Variants in KIRREL3 observed in about 807,000 individuals in gnomAD.
KIRREL3 encodes the protein kirre like nephrin family adhesion molecule 3.
A neutral mutation model predicts 89.7 loss-of-function variants in KIRREL3; 36 were observed. That is an observed-to-expected ratio of 0.40 (90% CI 0.31 to 0.53). KIRREL3 has a LOEUF of 0.53. Among genes scored for constraint, KIRREL3 ranks in the 20% least tolerant of loss-of-function variants. KIRREL3 has a pLI of 0.49. For missense variants in KIRREL3, 864 were observed against 1,056.6 expected (o/e 0.82, Z 2.53); for synonymous variants, 445 against 441.4 (o/e 1.01, Z -0.10).
rs933316711 is a variant in KIRREL3 at position 126,985,888 on chromosome 11, G to A, written c.55+14567C>T. Among the ~76,000 whole-genome samples the A allele has an allele frequency of 6.6e-6, 1 of 152,206 alleles. No homozygotes were observed. Among genetic ancestry groups the A allele is most frequent in the African/African-American group, 2.4e-5 (1 of 41,458 alleles). On this transcript the variant is annotated intron_variant, in intron 1 of 16. Transcript: ENST00000525144. The surrounding 1 kb of genome is among the most constrained non-coding windows in gnomAD (Gnocchi z 5.3). ...CATGTGCCTTCATGACCCCCCTACT[G>A]GATGGGAGAGAGTTAAAGCTGTTGT...
chr11:126,507,845 C>T (rs1040161434), intron 4 of KIRREL3, among the ~76,000 whole-genome samples: 2 of 152,232 alleles, frequency 1.3e-5, no homozygotes, highest in African/African-American at 4.8e-5. Context: ...GGGACCCTGG[C>T]TAGGGCTCAG....
intron 4 of KIRREL3, among the ~76,000 whole-genome samples, chr11:126,481,563 A>C (rs1957220200): frequency 6.6e-6 from 1 of 152,142 alleles, no homozygotes. Flanking sequence ...GAATGGCCCC[A>C]CTGTTTGGGG....
At chr11:126,947,483 G>A (rs145222141) in intron 1 of KIRREL3, among the ~76,000 whole-genome samples, 3 of 152,288 alleles carry the variant, frequency 2.0e-5, no homozygotes, top group East Asian at 1.9e-4. Flanking sequence ...CTGTCTTGGC[G>A]GATTTAGAAA....
At chr11:126,770,486 T>C (rs1436763858) in intron 1 of KIRREL3, among the ~76,000 whole-genome samples, 2 of 152,212 alleles carry the variant, frequency 1.3e-5, no homozygotes, top group African/African-American at 2.4e-5. Context: ...TAGATAATAA[T>C]TGTCTGCAAA....
In KIRREL3 at chr11:126,892,796, C is replaced by T. The variant is rs1044363049; in HGVS notation, c.55+107659G>A. ...GAAGGGTCTGGCTTCATTGACATTT[C>T]CACGGTAGTGCATACAGCCCTCGAG... On this transcript the variant is annotated intron_variant, in intron 1 of 16. Transcript: ENST00000525144. This position sits in a 1 kb window ranked among gnomAD's most constrained non-coding sequence, Gnocchi z 5.4. Among the ~76,000 whole-genome samples the T allele has an allele frequency of 3.3e-5, 5 of 152,172 alleles. No homozygotes were observed. The highest frequency in any genetic ancestry group is 5.9e-5 in the Non-Finnish European group (4 of 68,034).
Position 126,569,200 on chromosome 11 carries a change from C to A in KIRREL3, c.56-6288G>T, listed in dbSNP as rs1304729786. The stretch of plus-strand genomic sequence containing the variant: ...CAGAGTAGGGTGATGACAAAGGAAG[C>A]CTATTAAGTCACAGGTGATAATGGT... On this transcript the variant is annotated intron_variant, in intron 1 of 16. Coordinates refer to ENST00000525144, the MANE Select transcript of KIRREL3 (RefSeq NM_032531.4). This position sits in a 1 kb window ranked among gnomAD's most constrained non-coding sequence, Gnocchi z 6.5. Among the ~76,000 whole-genome samples, 1 of 152,094 alleles carries A rather than the reference C, an allele frequency of 6.6e-6. No individual in the cohort carries two copies. Among genetic ancestry groups the A allele is most frequent in the African/African-American group, 2.4e-5 (1 of 41,376 alleles).
intron 1 of KIRREL3, among the ~76,000 whole-genome samples, chr11:126,799,379 C>T (rs1400526894): frequency 1.2e-4 from 1 of 8,334 alleles, no homozygotes; most frequent in African/African-American, 5.7e-4. Context: ...TCTGTGTGTG[C>T]ATGCGTGTAT....
At chr11:126,449,212 G>A (rs935785174) in intron 7 of KIRREL3, 55 bp from the exon 8 acceptor site, 147 of 1,596,952 alleles carry the variant, frequency 9.2e-5, no homozygotes, top group Middle Eastern at 1.9e-4. Flanking sequence ...CCAACCCTCC[G>A]GGAGCTGGAC....
intron 2 of KIRREL3, among the ~76,000 whole-genome samples, chr11:126,536,397 T>C (rs1053512919): frequency 3.9e-5 from 6 of 152,022 alleles, no homozygotes; most frequent in African/African-American, 1.2e-4. Flanking sequence ...CTAAATCTTC[T>C]AGGGATGCAT....
intron 1 of KIRREL3, among the ~76,000 whole-genome samples, chr11:126,660,562 GC>G (rs1259577035): frequency 6.6e-6 from 1 of 152,090 alleles, no homozygotes; most frequent in Non-Finnish European, 1.5e-5. Context: ...GGAACCCATT[GC>G]CTGTATAATA....
At position 126,571,891 on chromosome 11, in the gene KIRREL3, G is replaced by A. The variant is rs1940957563; in HGVS notation, c.56-8979C>T. On this transcript the variant is annotated intron_variant, in intron 1 of 16. Transcript: ENST00000525144. This position sits in a 1 kb window ranked among gnomAD's most constrained non-coding sequence, Gnocchi z 7.7. ...TTCCAATGAGTTACTTGCTAGGTGG[G>A]GGAACAGAGAAATAGGATCATGAAG... Among the ~76,000 whole-genome samples the A allele has an allele frequency of 6.6e-6, 1 of 152,202 alleles. No individual in the cohort carries two copies. The highest frequency in any genetic ancestry group is 6.5e-5 in the Admixed American group (1 of 15,278).
intron 1 of KIRREL3, among the ~76,000 whole-genome samples, chr11:126,973,060 T>C (rs952321234): frequency 3.0e-5 from 4 of 133,522 alleles, no homozygotes; most frequent in Admixed American, 1.7e-4. Context: ...GAGAACAATT[T>C]AGCAGACAAC....
chr11:126,494,104 A>G (rs982288933), intron 4 of KIRREL3, among the ~76,000 whole-genome samples: 3 of 152,258 alleles, frequency 2.0e-5, no homozygotes, highest in African/African-American at 7.2e-5. Flanking sequence ...AAGTAAAGAC[A>G]GGATTAGGGA....
chr11:126,945,756 G>A (rs1416144595), intron 1 of KIRREL3, among the ~76,000 whole-genome samples: 1 of 152,190 alleles, frequency 6.6e-6, no homozygotes, highest in South Asian at 2.1e-4. Flanking sequence ...TCATCCTAAC[G>A]TTGACAACAA....
Position 126,520,053 on chromosome 11 carries a change from G to T in KIRREL3, c.433+1262C>A, listed in dbSNP as rs940521491. On this transcript the variant is annotated intron_variant, in intron 4 of 16. Coordinates refer to ENST00000525144, the MANE Select transcript of KIRREL3 (RefSeq NM_032531.4). This position sits in a 1 kb window ranked among gnomAD's most constrained non-coding sequence, Gnocchi z 4.9. ...CCCAAGTCCCTCCCCCGCATCTCAAGAAGTCAAGCTCCGAGCTTGGTAAGT... is the reference window on the plus strand; with the variant it reads ...CCCAAGTCCCTCCCCCGCATCTCAATAAGTCAAGCTCCGAGCTTGGTAAGT... 3.3e-5 allele frequency among the ~76,000 whole-genome samples: 5 copies of T among 152,172 alleles called. No homozygotes were observed. The highest frequency in any genetic ancestry group is 5.9e-5 in the Non-Finnish European group (4 of 68,028).
At position 126,561,255 on chromosome 11, in the gene KIRREL3, C is replaced by T. The variant is rs1403878778; in HGVS notation, c.133+1580G>A. Among the ~76,000 whole-genome samples the T allele has an allele frequency of 6.6e-6, 1 of 152,206 alleles. No homozygotes were observed. Among genetic ancestry groups the T allele is most frequent in the Non-Finnish European group, 1.5e-5 (1 of 68,036 alleles). On this transcript the variant is annotated intron_variant, in intron 2 of 16. Transcript: ENST00000525144. The surrounding 1 kb of genome is among the most constrained non-coding windows in gnomAD (Gnocchi z 4.5). ...CCCACTGCCTCACCCTCCTCTTACC[C>T]TGTCTCTGAGTTGTTAGTTGAGATT...
At chr11:126,849,113 G>A (rs1361795654) in intron 1 of KIRREL3, among the ~76,000 whole-genome samples, 1 of 152,168 alleles carries the variant, frequency 6.6e-6, no homozygotes, top group African/African-American at 2.4e-5. Flanking sequence ...ACAAGAGGCA[G>A]GTCATAAAGA....
At chr11:126,933,223 C>T (rs1263689213) in intron 1 of KIRREL3, among the ~76,000 whole-genome samples, 1 of 152,274 alleles carries the variant, frequency 6.6e-6, no homozygotes, top group Middle Eastern at 3.4e-3. Context: ...TACTCCATCT[C>T]CTGTCCCACT....
Position 126,898,529 on chromosome 11 carries a change from G to T in KIRREL3, c.55+101926C>A, listed in dbSNP as rs1256807654. ...GCAGCAATTAGAAACAATGAAGTGG[G>T]CAGATACCTAACAATACGAACAATT... On this transcript the variant is annotated intron_variant, in intron 1 of 16. Transcript: ENST00000525144. This position sits in a 1 kb window ranked among gnomAD's most constrained non-coding sequence, Gnocchi z 4.9. Among the ~76,000 whole-genome samples, 1 of 152,182 alleles carries T rather than the reference G, an allele frequency of 6.6e-6. No homozygotes were observed. The highest frequency in any genetic ancestry group is 2.4e-5 in the African/African-American group (1 of 41,436).
Sources: gnomAD v4.1 joint callset for allele counts (sites outside exome capture counted in the v4.1 genomes callset) on GRCh38, gnomAD v4.1.1 for gene constraint, Gnocchi (gnomAD v3.1) non-coding constraint, MANE v1.5 for transcripts, NCBI Gene and HGNC (gene_info 2026-07-23, HGNC 2026-07-21) for gene names.